The following MAD1L1 variants were observed in gnomAD, a reference collection of about 807,000 sequenced individuals.
MAD1L1 encodes mitotic spindle assembly checkpoint protein MAD1.
Under a neutral mutation model 96.9 loss-of-function variants are expected in MAD1L1, and 95 were observed. That is an observed-to-expected ratio of 0.98 (90% CI 0.83 to 1.16). MAD1L1 has a LOEUF of 1.16. Ranked by LOEUF, MAD1L1 falls within the 50% of genes most tolerant of loss-of-function variation. The pLI is 0.00. For missense variants in MAD1L1, 1,007 were observed against 954.4 expected (o/e 1.06, Z -0.73); for synonymous variants, 473 against 396.6 (o/e 1.19, Z -2.29).
chr7:2,174,090 G>A (rs1475749298), intron 10 of MAD1L1, among the ~76,000 whole-genome samples: 2 of 152,174 alleles, frequency 1.3e-5, no homozygotes, highest in Non-Finnish European at 2.9e-5. Flanking sequence ...AAAGTGCTGG[G>A]ATTACAGGTA....
rs10273644 is a variant in MAD1L1 at position 1,901,270 on chromosome 7, T to C, written c.1808-2880A>G. On this transcript the variant is annotated intron_variant, in intron 17 of 18. Transcript: ENST00000265854. ...CACACGATGGTTTGGATTAAATAAA[T>C]AAAAGATGGGTTTTCCGCCTTGGAA... is the stretch of plus-strand genomic sequence containing the variant. Among the ~76,000 whole-genome samples the C allele has an allele frequency of 2.9e-3, 445 of 152,306 alleles. 2 individuals carry two copies. The highest frequency in any genetic ancestry group is 0.01 in the African/African-American group (424 of 41,552).
chr7:1,886,782 A>C lies in MAD1L1; in HGVS notation c.1998+11418T>G, dbSNP rs1786060470. On this transcript the variant is annotated intron_variant, in intron 18 of 18. Transcript: ENST00000265854. Reference sequence around the variant, plus strand: ...CATGGCACTGTGTGCAGACAGGCAGAGACCTGCTGCAGGGCTGGGGCAGCA... The same window carrying C: ...CATGGCACTGTGTGCAGACAGGCAGCGACCTGCTGCAGGGCTGGGGCAGCA... 4.6e-5 allele frequency among the ~76,000 whole-genome samples: 7 copies of C among 152,264 alleles called. No individual in the cohort carries two copies. The South Asian group carries it at 1.4e-3, about 31-fold the overall frequency.
chr7:1,911,608 T>C (rs1788018984), intron 17 of MAD1L1, among the ~76,000 whole-genome samples: 1 of 152,382 alleles, frequency 6.6e-6, no homozygotes, highest in African/African-American at 2.4e-5. Context: ...AGCGAACTTC[T>C]GCAAGGCCAG....
At chr7:2,102,625 C>T (rs1786869703) in intron 11 of MAD1L1, among the ~76,000 whole-genome samples, 2 of 152,086 alleles carry the variant, frequency 1.3e-5, no homozygotes, top group Admixed American at 6.5e-5. Flanking sequence ...GTCTCCACCA[C>T]CCTCGCACCA....
intron 10 of MAD1L1, among the ~76,000 whole-genome samples, chr7:2,205,084 C>CTTTTTTTTTTTTTTTTTTTTTTTTT (rs56101356): frequency 9.6e-6 from 1 of 103,862 alleles, no homozygotes; most frequent in Non-Finnish European, 1.8e-5. Context: ...AGGATCTTTT[C>CTTTTTTTTTTTTTTTTTTTTTTTTT]TTTTTTTTTT....
At chr7:2,167,908 G>A (rs1790516695) in intron 10 of MAD1L1, among the ~76,000 whole-genome samples, 1 of 152,044 alleles carries the variant, frequency 6.6e-6, no homozygotes, top group Non-Finnish European at 1.5e-5. Flanking sequence ...TAACCATTCT[G>A]TAATAAATTT....
chr7:1,898,225 T>A lies in MAD1L1; in HGVS notation c.1973A>T (p.His658Leu). 6.2e-7 allele frequency: 1 copy of A among 1,612,786 alleles called. No individual in the cohort carries two copies. Among genetic ancestry groups the A allele is most frequent in the Non-Finnish European group, 8.5e-7 (1 of 1,179,446 alleles). ...QYRLTSLYAEHPGDCLIFKAT... is the reference protein window; with the variant it reads ...QYRLTSLYAELPGDCLIFKAT... ...CTTGAAGATGAGGCAGTCGCCTGGG[T>A]GCTCGGCGTACAGCGAGGTCAGCCG... is the stretch of plus-strand genomic sequence containing the variant. The change falls in exon 18 of 19, where the codon CAC becomes CTC. Residue 658 changes from histidine to leucine, a missense_variant. Transcript: ENST00000265854.
chr7:1,886,218 T>C (rs1305153640), intron 18 of MAD1L1, among the ~76,000 whole-genome samples: 2 of 152,204 alleles, frequency 1.3e-5, no homozygotes, highest in Non-Finnish European at 2.9e-5. Flanking sequence ...GGGCTTGTCC[T>C]CTGGGGGTAA....
At chr7:2,129,658 G>A (rs952140454) in intron 11 of MAD1L1, among the ~76,000 whole-genome samples, 1 of 152,226 alleles carries the variant, frequency 6.6e-6, no homozygotes, top group Non-Finnish European at 1.5e-5. Flanking sequence ...CGAGAGCAAG[G>A]TGGCAAGACA....
intron 18 of MAD1L1, among the ~76,000 whole-genome samples, chr7:1,894,071 C>T (rs1786717441): frequency 1.3e-5 from 2 of 152,224 alleles, no homozygotes; most frequent in South Asian, 4.1e-4. Context: ...GGGCGTGGAG[C>T]TGCTGCGAAC....
intron 18 of MAD1L1, among the ~76,000 whole-genome samples, chr7:1,831,732 T>C (rs1782712972): frequency 6.6e-6 from 1 of 152,326 alleles, no homozygotes; most frequent in Non-Finnish European, 1.5e-5. Context: ...AATGAGCTCT[T>C]GGGGCCCTTA....
chr7:2,165,221 G>A (rs1488916784), intron 10 of MAD1L1, among the ~76,000 whole-genome samples: 1 of 151,382 alleles, frequency 6.6e-6, no homozygotes, highest in African/African-American at 2.4e-5. Flanking sequence ...AAAAGAAAAA[G>A]AAAAAAAATA....
At chr7:2,038,168 T>C (rs1584150413) in intron 12 of MAD1L1, among the ~76,000 whole-genome samples, 1 of 152,256 alleles carries the variant, frequency 6.6e-6, no homozygotes, top group South Asian at 2.1e-4. Context: ...TCCACGAGGC[T>C]GAGAGAGGTG....
chr7:2,219,545 G>A, intron 5 of MAD1L1, 89 bp from the exon 6 acceptor site: 1 of 1,442,112 alleles, frequency 6.9e-7, no homozygotes, highest in Non-Finnish European at 9.5e-7. Flanking sequence ...GAGTGGAGAG[G>A]CGACACCACC....
At position 1,904,928 on chromosome 7, in the gene MAD1L1, T is replaced by C. The variant is rs1358278542; in HGVS notation, c.1808-6538A>G. Among the ~76,000 whole-genome samples the C allele has an allele frequency of 2.2e-5, 2 of 89,444 alleles. 1 individual carries two copies. Among genetic ancestry groups the C allele is most frequent in the African/African-American group, 8.7e-5 (2 of 23,022 alleles). 58.7% of individuals were successfully genotyped at this position (89,444 alleles called of 152,430 possible). Reference sequence around the variant, plus strand: ...TGCAGTCGCCTATGGAAGACGTTCTTGTGGAACTCATGATTGATGAAGCAC... The same window carrying C: ...TGCAGTCGCCTATGGAAGACGTTCTCGTGGAACTCATGATTGATGAAGCAC... On this transcript the variant is annotated intron_variant, in intron 17 of 18. Transcript: ENST00000265854.
intron 10 of MAD1L1, among the ~76,000 whole-genome samples, chr7:2,210,528 G>A (rs994587592): frequency 3.8e-5 from 5 of 132,450 alleles, no homozygotes; most frequent in African/African-American, 1.1e-4. Flanking sequence ...CCGCCAGCCC[G>A]CATTCCCGTG....
At chr7:1,999,887 C>T (rs1316444186) in intron 14 of MAD1L1, among the ~76,000 whole-genome samples, 1 of 152,188 alleles carries the variant, frequency 6.6e-6, no homozygotes, top group Admixed American at 6.5e-5. Context: ...AAAACACTTC[C>T]TTCTCCAGGG....
chr7:2,037,035 G>A (rs973420812), intron 12 of MAD1L1, among the ~76,000 whole-genome samples: 4 of 150,430 alleles, frequency 2.7e-5, no homozygotes, highest in African/African-American at 4.9e-5. Context: ...TCCACCTGCC[G>A]CATGCTCCTC....
At chr7:2,122,951 G>A (rs1429716607) in intron 11 of MAD1L1, among the ~76,000 whole-genome samples, 1 of 152,236 alleles carries the variant, frequency 6.6e-6, no homozygotes, top group Non-Finnish European at 1.5e-5. Context: ...TGGTAGAGAA[G>A]TGTATTATCA....
Sources: allele counts gnomAD v4.1 joint callset (sites outside exome capture counted in the v4.1 genomes callset), GRCh38; gene constraint gnomAD v4.1.1; transcripts MANE v1.5; gene names NCBI Gene and HGNC (gene_info 2026-07-23, HGNC 2026-07-21).